The following NTRK3 variants were observed in gnomAD, a reference collection of about 807,000 sequenced individuals.
NTRK3 encodes NT-3 growth factor receptor.
NTRK3 carries 24 observed loss-of-function variants against 91.7 expected under a neutral mutation model. That is an observed-to-expected ratio of 0.26 (90% CI 0.19 to 0.37). The LOEUF is 0.37. Among genes scored for constraint, NTRK3 ranks in the 10% least tolerant of loss-of-function variants. NTRK3 has a pLI of 1.00. For synonymous variants in NTRK3, 483 were observed against 404.0 expected (o/e 1.20, Z -2.34); for missense variants, 880 against 1,068.9 (o/e 0.82, Z 2.46).
chr15:88,102,404 C>G (rs1247249135), intron 13 of NTRK3, among the ~76,000 whole-genome samples: 1 of 152,042 alleles, frequency 6.6e-6, no homozygotes, highest in Non-Finnish European at 1.5e-5. Context: ...TTAATGTGTG[C>G]AAAAACATAG....
intron 17 of NTRK3, among the ~76,000 whole-genome samples, chr15:87,883,407 A>G (rs974686908): frequency 3.0e-4 from 44 of 147,828 alleles, no homozygotes; most frequent in Admixed American, 1.1e-3. Context: ...ATGTGTGTGT[A>G]TATATATATA....
At chr15:87,957,554 T>A (rs768307279) in intron 14 of NTRK3, among the ~76,000 whole-genome samples, 2 of 152,166 alleles carry the variant, frequency 1.3e-5, no homozygotes, top group Non-Finnish European at 2.9e-5. Flanking sequence ...TATATGGAAA[T>A]CATTTGGCAC....
intron 4 of NTRK3, 31 bp downstream of exon 4, chr15:88,184,194 G>A (rs753779842): frequency 1.2e-6 from 2 of 1,610,886 alleles, no homozygotes; most frequent in South Asian, 2.2e-5. Flanking sequence ...CTTCCACAGG[G>A]AAAGGCCTCT....
chr15:87,977,457 A>T lies in NTRK3; in HGVS notation c.1586-36704T>A, dbSNP rs72481813. 0.011 allele frequency: 2,390 copies of T among 217,432 alleles called. 22 individuals carry two copies. The highest frequency in any genetic ancestry group is 0.016 in the Non-Finnish European group (1,761 of 107,802). 13.5% of individuals were successfully genotyped at this position (217,432 alleles called of 1,614,324 possible). ...CACAACGCCCCATTGTCATAGCACA[A>T]GGTGAGGAAAATGGCAGAATAAAAG... On this transcript the variant is annotated intron_variant, in intron 14 of 18. Coordinates refer to ENST00000394480, the Ensembl canonical transcript of NTRK3.
intron 5 of NTRK3, among the ~76,000 whole-genome samples, chr15:88,170,719 A>C (rs1414667656): frequency 6.6e-6 from 1 of 151,942 alleles, no homozygotes; most frequent in Non-Finnish European, 1.5e-5. Flanking sequence ...GCTATGGATC[A>C]GGGTCCCAAC....
intron 17 of NTRK3, among the ~76,000 whole-genome samples, chr15:87,884,444 C>A (rs2141502923): frequency 6.6e-6 from 1 of 151,696 alleles, no homozygotes; most frequent in African/African-American, 2.4e-5. Context: ...AAGATAGAAA[C>A]TTTCCCAAAC....
At chr15:88,079,849 A>G (rs1328524730) in intron 13 of NTRK3, among the ~76,000 whole-genome samples, 1 of 152,214 alleles carries the variant, frequency 6.6e-6, no homozygotes, top group African/African-American at 2.4e-5. Flanking sequence ...AAAATCACCC[A>G]TCATCTCCAA....
At chr15:87,974,758 G>A (rs1051450274) in intron 14 of NTRK3, among the ~76,000 whole-genome samples, 12 of 152,106 alleles carry the variant, frequency 7.9e-5, no homozygotes, top group Non-Finnish European at 1.5e-4. Flanking sequence ...AGGAAAGAAC[G>A]TTGCAGATGT....
rs1166374638 is a variant in NTRK3 at position 87,948,554 on chromosome 15, G to T, written c.1586-7801C>A. Among the ~76,000 whole-genome samples the T allele has an allele frequency of 6.6e-5, 10 of 152,198 alleles. No homozygotes were observed. In the East Asian group the frequency reaches 1.2e-3, roughly 18 times the overall value. On this transcript the variant is annotated intron_variant, in intron 14 of 18. Transcript: ENST00000394480. ...AATACAAAAATTATCCGCACTCAGT[G>T]CCATGTGCTTATAATCCCAGCTACT...
intron 14 of NTRK3, among the ~76,000 whole-genome samples, chr15:87,950,604 G>A (rs1208599120): frequency 6.6e-6 from 1 of 152,180 alleles, no homozygotes; most frequent in Non-Finnish European, 1.5e-5. Flanking sequence ...CTCAGAGGCC[G>A]CATTTGGCAA....
chr15:88,030,879 C>G (rs992450931), intron 14 of NTRK3, among the ~76,000 whole-genome samples: 8 of 151,870 alleles, frequency 5.3e-5, no homozygotes, highest in African/African-American at 1.9e-4. Flanking sequence ...AAACAACTAC[C>G]TTTTTTGTGG....
intron 6 of NTRK3, among the ~76,000 whole-genome samples, chr15:88,140,289 C>A (rs1037773406): frequency 3.3e-5 from 5 of 152,162 alleles, no homozygotes; most frequent in African/African-American, 1.2e-4. Flanking sequence ...ACAGGGTCAA[C>A]ACGTACAGTT....
intron 17 of NTRK3, among the ~76,000 whole-genome samples, chr15:87,910,355 T>C (rs764949693): frequency 1.2e-4 from 19 of 152,082 alleles, no homozygotes; most frequent in Non-Finnish European, 2.4e-4. Context: ...AGGAAAGACA[T>C]AGCAGGCTGG....
intron 13 of NTRK3, among the ~76,000 whole-genome samples, chr15:88,033,644 C>T (rs1351277362): frequency 5.3e-5 from 8 of 151,930 alleles, no homozygotes; most frequent in African/African-American, 7.3e-5. Context: ...CCACTGGAAG[C>T]GTATTCCTCG....
At chr15:87,883,040 A>G (rs1033536822) in intron 17 of NTRK3, among the ~76,000 whole-genome samples, 2 of 151,820 alleles carry the variant, frequency 1.3e-5, no homozygotes, top group Admixed American at 6.6e-5. Flanking sequence ...TGAAAATGGA[A>G]GAGTGCTAAA....
chr15:88,199,259 G>C (rs1326437209), intron 3 of NTRK3, among the ~76,000 whole-genome samples: 1 of 152,162 alleles, frequency 6.6e-6, no homozygotes, highest in Non-Finnish European at 1.5e-5. Flanking sequence ...ACTGATGTGA[G>C]CTGGTGAGAG....
intron 13 of NTRK3, among the ~76,000 whole-genome samples, chr15:88,092,608 G>A (rs888863695): frequency 6.6e-6 from 1 of 152,212 alleles, no homozygotes; most frequent in African/African-American, 2.4e-5. Context: ...CACAAACTCA[G>A]TGGCTTATTC....
chr15:88,022,410 G>C (rs150950690), intron 14 of NTRK3, among the ~76,000 whole-genome samples: 1 of 152,102 alleles, frequency 6.6e-6, no homozygotes, highest in Non-Finnish European at 1.5e-5. Context: ...TGTTTTACCT[G>C]GTTCAGAATT....
In NTRK3 at chr15:87,925,487, C is replaced by T. The variant is rs1023741014; in HGVS notation, c.2133+3704G>A. ...CACACACAGGCCTGGATTATCTGCA[C>T]TTAGTGGTGTTAGGCATAAGAAGCC... On this transcript the variant is annotated intron_variant, in intron 17 of 18. Coordinates refer to ENST00000394480, the Ensembl canonical transcript of NTRK3. The T allele has an allele frequency of 2.1e-5, 4 of 194,994 alleles. No individual in the cohort carries two copies. In the East Asian group the frequency reaches 3.0e-4, roughly 15 times the overall value. The allele number at this position is 194,994 out of a possible 1,614,324, so 12.1% of individuals were successfully genotyped here.
Sources: allele counts gnomAD v4.1 joint callset (sites outside exome capture counted in the v4.1 genomes callset), GRCh38; gene constraint gnomAD v4.1.1; transcripts MANE v1.5; gene names NCBI Gene and HGNC (gene_info 2026-07-23, HGNC 2026-07-21).